The following GRK7 variants were observed in gnomAD, a reference collection of about 807,000 sequenced individuals.
GRK7 encodes the protein G protein-coupled receptor kinase 7, also known as rhodopsin kinase GRK7.
A neutral mutation model predicts 34.1 loss-of-function variants in GRK7; 24 were observed. The observed-to-expected ratio is 0.70, with a 90% CI of 0.51 to 0.99. The LOEUF is 0.99. Among genes scored for constraint, GRK7 ranks in the 50% least tolerant of loss-of-function variants. The pLI, the probability that GRK7 is intolerant of heterozygous loss-of-function variation, is 0.00. For missense variants in GRK7, 644 were observed against 707.3 expected (o/e 0.91, Z 1.02); for synonymous variants, 256 against 279.4 (o/e 0.92, Z 0.84).
At chr3:141,799,252 G>T (rs1367833960) in intron 4 of GRK7, among the ~76,000 whole-genome samples, 1 of 152,154 alleles carries the variant, frequency 6.6e-6, no homozygotes, top group East Asian at 1.9e-4. Flanking sequence ...ATCCTGAAGG[G>T]AACTTGGAGG....
At chr3:141,754,710 T>C in the GRK7 span, among the ~76,000 whole-genome samples, 1 of 152,132 alleles carries the variant, frequency 6.6e-6, no homozygotes, top group African/African-American at 2.4e-5. Flanking sequence ...AAAAGAACAA[T>C]TGGGAATGGA....
At chr3:141,812,392 T>A (rs1317634091) in intron 5 of GRK7, among the ~76,000 whole-genome samples, 1 of 152,174 alleles carries the variant, frequency 6.6e-6, no homozygotes, top group Non-Finnish European at 1.5e-5. Flanking sequence ...AAGAGTGAAA[T>A]AATCAGCCTG....
At chr3:141,757,129 C>CTTTTTTTTTTTT in the GRK7 span, among the ~76,000 whole-genome samples, 14 of 101,344 alleles carry the variant, frequency 1.4e-4, no homozygotes, top group Non-Finnish European at 2.5e-4. Flanking sequence ...AGATCTTCTT[C>CTTTTTTTTTTTT]TTTTTTTTTT....
Position 141,816,871 on chromosome 3 carries a change from G to T in GRK7, c.1483G>T (p.Val495Leu). Reference protein sequence around the residue: ...EIDDFSEVRGVEFDDKDKQFF... With the variant: ...EIDDFSEVRGLEFDDKDKQFF... ...TGATGATTTCTCTGAGGTTCGGGGG[G>T]TGGAATTTGATGACAAAGATAAGCA... The change falls in exon 6 of 6, where the codon GTG becomes TTG. Residue 495 changes from valine (V) to leucine (L), a missense_variant. Physicochemically the swap from Val to Leu is conservative, Grantham distance 32. Transcript: ENST00000682958. 1 of 1,614,154 alleles carries T rather than the reference G, an allele frequency of 6.2e-7. No individual in the cohort carries two copies. Among genetic ancestry groups the T allele is most frequent in the South Asian group, 1.1e-5 (1 of 91,082 alleles).
chr3:141,810,141 A>G (rs1711077424), intron 5 of GRK7, among the ~76,000 whole-genome samples: 1 of 152,210 alleles, frequency 6.6e-6, no homozygotes. Context: ...AAGAAACGGT[A>G]ATTCTGCCAG....
chr3:141,805,294 C>G (rs1711023152), intron 4 of GRK7, among the ~76,000 whole-genome samples: 1 of 152,196 alleles, frequency 6.6e-6, no homozygotes, highest in African/African-American at 2.4e-5. Context: ...CATGACTCAA[C>G]AAATGTTTTC....
At chr3:141,811,615 T>G (rs1345409370) in intron 5 of GRK7, among the ~76,000 whole-genome samples, 1 of 152,204 alleles carries the variant, frequency 6.6e-6, no homozygotes, top group African/African-American at 2.4e-5. Flanking sequence ...ACATTTTTTT[T>G]TCTTACGGCC....
At chr3:141,799,811 A>G (rs993852667) in intron 4 of GRK7, among the ~76,000 whole-genome samples, 3 of 152,200 alleles carry the variant, frequency 2.0e-5, no homozygotes, top group Admixed American at 6.5e-5. Context: ...AATGTTTTCC[A>G]TTATTATTTC....
At position 141,763,978 on chromosome 3, in the gene GRK7, A is replaced by T. The variant is rs1294474689; in HGVS notation, c.-1975A>T. 2.0e-5 allele frequency among the ~76,000 whole-genome samples: 3 copies of T among 152,106 alleles called. No individual in the cohort carries two copies. Among genetic ancestry groups the T allele is most frequent in the African/African-American group, 7.2e-5 (3 of 41,412 alleles). ...CCCTCATCCAACTGGACCTGGCAAC[A>T]TGCAAGACGTCTTCATTTCTCTTCA... On this transcript the variant is annotated 5_prime_UTR_variant, in exon 1 of 6. An upstream start codon of the reference 5' UTR is lost. Transcript: ENST00000682958.
At chr3:141,750,984 T>C in the GRK7 span, among the ~76,000 whole-genome samples, 3 of 152,028 alleles carry the variant, frequency 2.0e-5, no homozygotes, top group African/African-American at 7.2e-5. Flanking sequence ...CTGTAGTGTG[T>C]GATGGCCATG....
At chr3:141,806,695 TAGAG>T (rs1026038565) in intron 4 of GRK7, among the ~76,000 whole-genome samples, 3 of 151,950 alleles carry the variant, frequency 2.0e-5, no homozygotes, top group African/African-American at 4.8e-5. Context: ...GTCAAATTCA[TAGAG>T]AGAGAAAGTA....
In GRK7 at chr3:141,816,889, G is replaced by A; in HGVS notation, c.1501G>A (p.Asp501Asn). ...TCGGGGGGTGGAATTTGATGACAAAGATAAGCAGTTCTTCAAAAACTTTGC... is the reference window on the plus strand; with the variant it reads ...TCGGGGGGTGGAATTTGATGACAAAAATAAGCAGTTCTTCAAAAACTTTGC... ...EVRGVEFDDK[D>N]KQFFKNFATG... Residue 501 changes from aspartate (D) to asparagine (N), a missense_variant, in exon 6 of 6, where the codon GAT becomes AAT. Physicochemically the swap from Asp to Asn is conservative, Grantham distance 23. Transcript: ENST00000682958. The A allele has an allele frequency of 6.2e-7, 1 of 1,614,142 alleles. No individual in the cohort carries two copies. Among genetic ancestry groups the A allele is most frequent in the Non-Finnish European group, 8.5e-7 (1 of 1,180,014 alleles).
At chr3:141,807,039 C>A (rs1363125382) in intron 4 of GRK7, among the ~76,000 whole-genome samples, 1 of 151,980 alleles carries the variant, frequency 6.6e-6, no homozygotes, top group African/African-American at 2.4e-5. Flanking sequence ...CATAGTCATG[C>A]ATGTGAAATG....
chr3:141,780,224 C>A (rs763375170), intron 3 of GRK7, 150 bp from the exon 4 acceptor site: 6 of 657,608 alleles, frequency 9.1e-6, no homozygotes, highest in Non-Finnish European at 1.6e-5. Flanking sequence ...GCACTGTAGT[C>A]CCCACTTTTT....
chr3:141,778,214 G>A lies in GRK7; in HGVS notation c.-71G>A. On this transcript the variant is annotated 5_prime_UTR_variant, in exon 3 of 6. Coordinates refer to ENST00000682958, the MANE Select transcript of GRK7 (RefSeq NM_139209.3). The surrounding 1 kb of genome is among the most constrained non-coding windows in gnomAD (Gnocchi z 4.1). ...AAATCCCTTGGACGTTGTCTCACCC[G>A]GGAAGGGAAAGCAGCCAGCAGCCCT... 2.0e-6 allele frequency: 3 copies of A among 1,508,098 alleles called. No homozygotes were observed. Among genetic ancestry groups the A allele is most frequent in the Non-Finnish European group, 2.7e-6 (3 of 1,127,426 alleles). The allele number at this position is 1,508,098 out of a possible 1,614,324, so 93.4% of individuals were successfully genotyped here.
intron 2 of GRK7, among the ~76,000 whole-genome samples, chr3:141,777,411 G>A (rs1205600896): frequency 2.3e-5 from 3 of 130,270 alleles, no homozygotes; most frequent in Non-Finnish European, 3.1e-5. Flanking sequence ...TGCAAGCTCC[G>A]CCTCCCGGGT....
In GRK7 at chr3:141,765,260, G is replaced by A. The variant is rs1021636726; in HGVS notation, c.-693G>A. Among the ~76,000 whole-genome samples the A allele has an allele frequency of 2.0e-5, 3 of 152,316 alleles. No homozygotes were observed. The East Asian group carries it at 5.8e-4, about 29-fold the overall frequency. ...GCCAGCTGTTCCTTCTCCCTGAAGTGCTCTACCCTCAGGCAGTCACATGGC... is the reference window on the plus strand; with the variant it reads ...GCCAGCTGTTCCTTCTCCCTGAAGTACTCTACCCTCAGGCAGTCACATGGC... On this transcript the variant is annotated 5_prime_UTR_variant, in exon 1 of 6. Coordinates refer to ENST00000682958, the MANE Select transcript of GRK7 (RefSeq NM_139209.3).
At chr3:141,750,134 G>C in the GRK7 span, among the ~76,000 whole-genome samples, 1 of 151,932 alleles carries the variant, frequency 6.6e-6, no homozygotes. Context: ...AAGTAATTGC[G>C]GTTTTTTTGC....
intron 5 of GRK7, among the ~76,000 whole-genome samples, chr3:141,809,138 G>T (rs1018396001): frequency 2.0e-5 from 3 of 152,004 alleles, no homozygotes; most frequent in Admixed American, 1.3e-4. Flanking sequence ...GGAGGCGGAG[G>T]TTGCAGTGAG....
Sources: gnomAD v4.1 joint callset for allele counts (sites outside exome capture counted in the v4.1 genomes callset) on GRCh38, gnomAD v4.1.1 for gene constraint, Gnocchi (gnomAD v3.1) non-coding constraint, MANE v1.5 for transcripts, NCBI Gene and HGNC (gene_info 2026-07-23, HGNC 2026-07-21) for gene names.